SETBP1: variants seen among roughly 807,000 people sequenced by gnomAD.
SETBP1 encodes SET-binding protein.
Under a neutral mutation model 101.0 loss-of-function variants are expected in SETBP1, and 9 were observed. That is an observed-to-expected ratio of 0.09 (90% CI 0.05 to 0.16). The LOEUF is 0.16. SETBP1 is among the 10% of genes least tolerant of loss of function. The probability of loss-of-function intolerance (pLI) is 1.00; values close to 1 mark genes in which losing one functional copy is unlikely to be tolerated. For synonymous variants in SETBP1, 818 were observed against 788.5 expected, an observed-to-expected ratio of 1.04 and a Z score of -0.63; for missense variants, 1,858 against 2,033.8, an observed-to-expected ratio of 0.91 and a Z score of 1.66.
intron 2 of SETBP1, among the ~76,000 whole-genome samples, chr18:44,742,347 C>T (rs1568120136): frequency 6.6e-6 from 1 of 152,322 alleles, no homozygotes; most frequent in East Asian, 1.9e-4. Context: ...CCATCTCAGT[C>T]TGAGGTCTTC....
intron 3 of SETBP1, among the ~76,000 whole-genome samples, chr18:44,914,987 A>T (rs1025805912): frequency 1.1e-4 from 16 of 152,124 alleles, no homozygotes; most frequent in Admixed American, 7.2e-4. Flanking sequence ...CTATCTAAAA[A>T]TACTAAAATT....
chr18:44,983,423 A>G (rs1346319682), intron 4 of SETBP1, among the ~76,000 whole-genome samples: 6 of 152,154 alleles, frequency 3.9e-5, no homozygotes, highest in African/African-American at 1.4e-4. Flanking sequence ...TCTTACCCCC[A>G]TTATACAAAT....
Position 44,974,909 on chromosome 18 carries a change from T to C in SETBP1, c.4000+21569T>C, listed in dbSNP as rs1304254403. 3.9e-5 allele frequency among the ~76,000 whole-genome samples: 6 copies of C among 152,164 alleles called. No homozygotes were observed. In the East Asian group the frequency reaches 1.2e-3, roughly 29 times the overall value. ...AAAAATAGGATACATTTTTACTAAA[T>C]TGGCCTGTGAGTGATTCTTTTTAAA... On this transcript the variant is annotated intron_variant, in intron 4 of 5. Transcript: ENST00000649279.
At chr18:44,815,782 C>G (rs1188227424) in intron 2 of SETBP1, among the ~76,000 whole-genome samples, 2 of 152,190 alleles carry the variant, frequency 1.3e-5, no homozygotes, top group Admixed American at 6.5e-5. Flanking sequence ...GATGAGGAAA[C>G]TGAGACTCAG....
intron 3 of SETBP1, among the ~76,000 whole-genome samples, chr18:44,920,351 T>C (rs1568217135): frequency 6.6e-6 from 1 of 152,210 alleles, no homozygotes; most frequent in Non-Finnish European, 1.5e-5. Context: ...AACAAAAGCA[T>C]TTAAACCACT....
At chr18:44,773,918 G>C (rs577656348) in intron 2 of SETBP1, among the ~76,000 whole-genome samples, 29 of 146,900 alleles carry the variant, frequency 2.0e-4, no homozygotes, top group Non-Finnish European at 3.9e-4. Context: ...GCATGGCATG[G>C]TGAGGTAAAA....
intron 4 of SETBP1, among the ~76,000 whole-genome samples, chr18:45,022,306 C>A (rs572156932): frequency 3.3e-5 from 5 of 152,206 alleles, no homozygotes; most frequent in Non-Finnish European, 7.3e-5. Flanking sequence ...CACAAGAATT[C>A]TTGTGTTTCC....
chr18:44,820,182 C>A (rs1374551021), intron 2 of SETBP1, among the ~76,000 whole-genome samples: 1 of 152,226 alleles, frequency 6.6e-6, no homozygotes, highest in African/African-American at 2.4e-5. Context: ...CGCCACGTGG[C>A]GGGCAGGCAG....
At chr18:44,787,807 T>C (rs1234295413) in intron 2 of SETBP1, among the ~76,000 whole-genome samples, 2 of 116,560 alleles carry the variant, frequency 1.7e-5, no homozygotes, top group African/African-American at 6.5e-5. Context: ...TGAGCCGAGA[T>C]TGCGCCACTG....
chr18:45,011,736 C>A (rs966756489), intron 4 of SETBP1, among the ~76,000 whole-genome samples: 8 of 152,234 alleles, frequency 5.3e-5, no homozygotes, highest in African/African-American at 1.9e-4. Flanking sequence ...TGCATTGGCT[C>A]TTTGCACTGC....
At chr18:44,872,531 C>A (rs1329360088) in intron 3 of SETBP1, among the ~76,000 whole-genome samples, 1 of 152,194 alleles carries the variant, frequency 6.6e-6, no homozygotes, top group Non-Finnish European at 1.5e-5. Context: ...ATTTACTACC[C>A]CCTCTTGCTG....
At chr18:44,759,100 A>T (rs2144577754) in intron 2 of SETBP1, among the ~76,000 whole-genome samples, 1 of 152,242 alleles carries the variant, frequency 6.6e-6, no homozygotes, top group African/African-American at 2.4e-5. Context: ...TTAGTTCATA[A>T]TTGGTGAGTC....
At chr18:44,926,427 C>T (rs1002131050) in intron 3 of SETBP1, among the ~76,000 whole-genome samples, 3 of 152,166 alleles carry the variant, frequency 2.0e-5, no homozygotes, top group Non-Finnish European at 2.9e-5. Flanking sequence ...GCTGCATCAT[C>T]AGGAAGTGCC....
At chr18:44,712,074 A>G (rs924393240) in intron 2 of SETBP1, among the ~76,000 whole-genome samples, 4 of 152,244 alleles carry the variant, frequency 2.6e-5, no homozygotes, top group African/African-American at 9.6e-5. Context: ...AAGTCTGAGC[A>G]GTTCCCACCT....
intron 2 of SETBP1, among the ~76,000 whole-genome samples, chr18:44,842,920 C>T (rs2072648120): frequency 6.6e-6 from 1 of 152,252 alleles, no homozygotes; most frequent in Non-Finnish European, 1.5e-5. Context: ...GGTCATCAGC[C>T]ATGACCCTTG....
At chr18:45,054,669 T>C (rs2073779405) in intron 5 of SETBP1, among the ~76,000 whole-genome samples, 2 of 152,216 alleles carry the variant, frequency 1.3e-5, no homozygotes, top group South Asian at 4.1e-4. Flanking sequence ...CCCAGTTTTT[T>C]CAGGACTGCC....
chr18:44,693,775 C>T (rs1295926725), intron 1 of SETBP1, among the ~76,000 whole-genome samples: 1 of 152,138 alleles, frequency 6.6e-6, no homozygotes, highest in Non-Finnish European at 1.5e-5. Flanking sequence ...CTTTTTACAC[C>T]ATTTGCTTTC....
intron 3 of SETBP1, among the ~76,000 whole-genome samples, chr18:44,910,792 T>G (rs886246402): frequency 3.3e-5 from 5 of 152,196 alleles, no homozygotes; most frequent in African/African-American, 1.2e-4. Flanking sequence ...TGTTTCTACT[T>G]TTAGCTCTCC....
In SETBP1 at chr18:45,066,438, C is replaced by T. The variant is rs2073966819; in HGVS notation, c.*2740C>T. The T allele has an allele frequency of 6.6e-6, 1 of 152,226 alleles. No individual in the cohort carries two copies. The highest frequency in any genetic ancestry group is 1.5e-5 in the Non-Finnish European group (1 of 68,054). The allele number at this position is 152,226 out of a possible 1,614,324, so 9.4% of individuals were successfully genotyped here. On this transcript the variant is annotated 3_prime_UTR_variant, in exon 6 of 6. Transcript: ENST00000649279. ...CCACCCAGTTCCTCCCTCAGTATCACATTATTTTTTTCTTCTGCTTTTCAT... is the reference window on the plus strand; with the variant it reads ...CCACCCAGTTCCTCCCTCAGTATCATATTATTTTTTTCTTCTGCTTTTCAT...
Sources: gnomAD v4.1 joint callset for allele counts (sites outside exome capture counted in the v4.1 genomes callset) on GRCh38, gnomAD v4.1.1 for gene constraint, MANE v1.5 for transcripts, NCBI Gene and HGNC (gene_info 2026-07-23, HGNC 2026-07-21) for gene names.